Variants in SDK1 observed in about 807,000 individuals in gnomAD.
SDK1 encodes the protein protein sidekick-1.
A neutral mutation model predicts 245.5 loss-of-function variants in SDK1; 157 were observed. The ratio of observed to expected loss-of-function variants is 0.64; its 90% confidence interval spans 0.56 to 0.73. The LOEUF (loss-of-function observed/expected upper bound fraction) is 0.73. Among genes scored for constraint, SDK1 ranks in the 30% least tolerant of loss-of-function variants. The pLI, the probability that SDK1 is intolerant of heterozygous loss-of-function variation, is 0.00. For missense variants in SDK1, 3,583 were observed against 3,002.3 expected (o/e 1.19, Z -4.52); for synonymous variants, 1,647 against 1,278.5 (o/e 1.29, Z -6.15).
Position 3,372,116 on chromosome 7 carries a change from G to T in SDK1, c.298+70232G>T, listed in dbSNP as rs150009371. 4.5e-4 allele frequency among the ~76,000 whole-genome samples: 69 copies of T among 152,290 alleles called. No homozygotes were observed. In the East Asian group the frequency reaches 0.011, roughly 23 times the overall value. ...TTATGTTCCATTCACCCCTTAAAAA[G>T]CTACATAAATATGAGTTTCATCCAC... On this transcript the variant is annotated intron_variant, in intron 1 of 44. Transcript: ENST00000404826.
Position 4,210,283 on chromosome 7 carries a change from T to TG in SDK1, c.5539+127dup, listed in dbSNP as rs373647335. 1.4e-3 allele frequency: 1,472 copies of TG among 1,074,524 alleles called. 14 individuals are homozygous for TG. In the African/African-American group the frequency reaches 0.021, roughly 15 times the overall value. 66.6% of individuals were successfully genotyped at this position (1,074,524 alleles called of 1,614,324 possible). ...GCCAGGAGCCTTCTGGCGCCTGAAG[T>TG]GGGGGGTTTTGGAATCTGAGCTGGA... On this transcript the variant is annotated intron_variant, in intron 38 of 44. Transcript: ENST00000404826.
At chr7:4,244,844 T>TCTGGAGGCCGCCCTCATGTC (rs1786747933) in intron 43 of SDK1, among the ~76,000 whole-genome samples, 1 of 152,194 alleles carries the variant, frequency 6.6e-6, no homozygotes, top group South Asian at 2.1e-4. Flanking sequence ...TTGGCCCTCC[T>TCTGGAGGCCGCCCTCATGTC]CTGGAGGCCG....
At chr7:3,677,939 A>G (rs1783959115) in intron 4 of SDK1, among the ~76,000 whole-genome samples, 1 of 152,184 alleles carries the variant, frequency 6.6e-6, no homozygotes, top group African/African-American at 2.4e-5. Context: ...CCTACAACTC[A>G]ACAACAACAG....
chr7:3,341,085 C>A (rs1489453619), intron 1 of SDK1, among the ~76,000 whole-genome samples: 1 of 152,106 alleles, frequency 6.6e-6, no homozygotes, highest in African/African-American at 2.4e-5. Context: ...CTCCACAGTT[C>A]AGTATCGCTC....
rs946666292 is a variant in SDK1, at chr7:3,693,753, G to A, written c.713+51648G>A. 3.3e-5 allele frequency among the ~76,000 whole-genome samples: 5 copies of A among 152,124 alleles called. No homozygotes were observed. In the East Asian group the frequency reaches 5.8e-4, roughly 18 times the overall value. ...TCCCTGGAGTATCTGGGAATCTATT[G>A]TTATAGCCTCTAGATTCTGGCACTG... On this transcript the variant is annotated intron_variant, in intron 4 of 44. Transcript: ENST00000404826.
intron 4 of SDK1, among the ~76,000 whole-genome samples, chr7:3,747,046 G>A (rs1367741668): frequency 6.6e-6 from 1 of 152,180 alleles, no homozygotes; most frequent in African/African-American, 2.4e-5. Flanking sequence ...TGATTCATAG[G>A]CTGCAGAATG....
intron 2 of SDK1, among the ~76,000 whole-genome samples, chr7:3,623,111 G>T (rs1781995445): frequency 6.6e-6 from 1 of 151,920 alleles, no homozygotes; most frequent in Admixed American, 6.6e-5. Flanking sequence ...TCCCCACTTT[G>T]GTGTCAGTTA....
chr7:4,220,400 G>A, intron 39 of SDK1, 130 bp downstream of exon 39: 2 of 940,436 alleles, frequency 2.1e-6, no homozygotes, highest in South Asian at 1.7e-5. Flanking sequence ...CATCAACTCG[G>A]GGATGTCTGG....
intron 1 of SDK1, among the ~76,000 whole-genome samples, chr7:3,577,156 A>G (rs1358080634): frequency 2.0e-5 from 3 of 150,986 alleles, no homozygotes. Context: ...ATCCACACAC[A>G]CTCCTCCATC....
intron 4 of SDK1, among the ~76,000 whole-genome samples, chr7:3,747,556 C>G (rs1282233546): frequency 6.6e-6 from 1 of 152,038 alleles, no homozygotes; most frequent in Non-Finnish European, 1.5e-5. Flanking sequence ...ATGCTAAGCA[C>G]TAGGAATAGA....
intron 4 of SDK1, among the ~76,000 whole-genome samples, chr7:3,765,599 T>A (rs1780231326): frequency 6.6e-6 from 1 of 152,234 alleles, no homozygotes; most frequent in African/African-American, 2.4e-5. Flanking sequence ...TAGCTTTTAA[T>A]CTTCTACTAT....
At chr7:3,352,753 A>G (rs564449118) in intron 1 of SDK1, among the ~76,000 whole-genome samples, 10 of 151,990 alleles carry the variant, frequency 6.6e-5, no homozygotes, top group Non-Finnish European at 1.5e-4. Context: ...TGTGTTGGTG[A>G]CCTAGGGAAA....
chr7:4,118,593 C>G (rs753765242), intron 25 of SDK1, among the ~76,000 whole-genome samples: 18 of 150,456 alleles, frequency 1.2e-4, no homozygotes, highest in Non-Finnish European at 2.5e-4. Flanking sequence ...CCCAAGAGAG[C>G]AGAAAACATA....
intron 4 of SDK1, among the ~76,000 whole-genome samples, chr7:3,704,915 CT>C (rs1358602762): frequency 6.6e-6 from 1 of 152,094 alleles, no homozygotes; most frequent in Non-Finnish European, 1.5e-5. Flanking sequence ...TGGCTAGCCA[CT>C]TTTCTCAATA....
chr7:3,948,691 C>G (rs1393684165), intron 5 of SDK1, among the ~76,000 whole-genome samples: 1 of 152,208 alleles, frequency 6.6e-6, no homozygotes, highest in African/African-American at 2.4e-5. Context: ...GGGCTGCGAA[C>G]TCAGCCTTGG....
chr7:3,714,196 C>T (rs540209054), intron 4 of SDK1, among the ~76,000 whole-genome samples: 8 of 152,218 alleles, frequency 5.3e-5, no homozygotes, highest in Middle Eastern at 6.8e-3. Flanking sequence ...CTCAGAGGGA[C>T]GGGAAAAACT....
intron 32 of SDK1, among the ~76,000 whole-genome samples, chr7:4,163,539 G>A (rs1781304336): frequency 6.6e-6 from 1 of 152,214 alleles, no homozygotes; most frequent in East Asian, 1.9e-4. Context: ...GTCCCAGACA[G>A]AGCATCTCCC....
At chr7:3,834,345 C>T (rs1779983317) in intron 5 of SDK1, among the ~76,000 whole-genome samples, 1 of 152,158 alleles carries the variant, frequency 6.6e-6, no homozygotes, top group African/African-American at 2.4e-5. Context: ...CTCACTTTTG[C>T]CAGGAGAGGC....
At chr7:3,562,391 G>A (rs2128626543) in intron 1 of SDK1, among the ~76,000 whole-genome samples, 1 of 152,324 alleles carries the variant, frequency 6.6e-6, no homozygotes, top group East Asian at 1.9e-4. Flanking sequence ...TTCGGTCTCA[G>A]CCAAGATGGT....
Sources: gnomAD v4.1 joint callset for allele counts (sites outside exome capture counted in the v4.1 genomes callset) on GRCh38, gnomAD v4.1.1 for gene constraint, MANE v1.5 for transcripts, NCBI Gene and HGNC (gene_info 2026-07-23, HGNC 2026-07-21) for gene names.